TCF20: variants seen among roughly 807,000 people sequenced by gnomAD.
TCF20 encodes the protein transcription factor 20, also known as SPRE-binding protein.
Under a neutral mutation model 148.6 loss-of-function variants are expected in TCF20, and 3 were observed. The observed-to-expected ratio is 0.02, with a 90% CI of 0.01 to 0.05. The LOEUF (loss-of-function observed/expected upper bound fraction) is 0.05, where lower values mean the gene tolerates loss of function less well. Among genes scored for constraint, TCF20 ranks in the 10% least tolerant of loss-of-function variants. The pLI is 1.00. For missense variants in TCF20, 2,350 were observed against 2,429.3 expected (o/e 0.97, Z 0.69); for synonymous variants, 1,049 against 909.5 (o/e 1.15, Z -2.76).
chr22:42,254,001 G>A (rs769273791), intron 1 of TCF20, among the ~76,000 whole-genome samples: 38 of 151,656 alleles, frequency 2.5e-4, no homozygotes, highest in Middle Eastern at 6.8e-3. Flanking sequence ...GCTTGAACCC[G>A]GGAGGCGGAG....
chr22:42,312,914 G>T (rs1354837468), intron 1 of TCF20, among the ~76,000 whole-genome samples: 1 of 152,196 alleles, frequency 6.6e-6, no homozygotes, highest in Non-Finnish European at 1.5e-5. Flanking sequence ...CAGGGGAAAG[G>T]TGCCTTGAGG....
chr22:42,183,960 G>A (rs1054712773), intron 2 of TCF20, among the ~76,000 whole-genome samples: 1 of 151,954 alleles, frequency 6.6e-6, no homozygotes, highest in African/African-American at 2.4e-5. Flanking sequence ...GTAGAGATGA[G>A]GTTTCACCAT....
At chr22:42,265,475 T>G (rs959123475) in intron 1 of TCF20, among the ~76,000 whole-genome samples, 4 of 152,228 alleles carry the variant, frequency 2.6e-5, no homozygotes, top group Non-Finnish European at 5.9e-5. Flanking sequence ...ATCTGGCCTT[T>G]TTTATTTTGC....
At chr22:42,195,536 T>C (rs1287758818) in intron 2 of TCF20, among the ~76,000 whole-genome samples, 1 of 151,592 alleles carries the variant, frequency 6.6e-6, no homozygotes, top group Non-Finnish European at 1.5e-5. Context: ...GTTTCGCTCT[T>C]GTCACCCAGG....
intron 2 of TCF20, among the ~76,000 whole-genome samples, chr22:42,189,432 G>C (rs778199810): frequency 1.3e-5 from 2 of 152,172 alleles, no homozygotes; most frequent in Non-Finnish European, 2.9e-5. Context: ...AGAATGTTTT[G>C]GACTGAGAGC....
intron 1 of TCF20, among the ~76,000 whole-genome samples, chr22:42,295,649 A>G (rs1397881286): frequency 6.6e-6 from 1 of 151,870 alleles, no homozygotes; most frequent in African/African-American, 2.4e-5. Flanking sequence ...CTCCATGTTG[A>G]GGCTAGTCTC....
chr22:42,233,957 T>C (rs944781837), intron 1 of TCF20, among the ~76,000 whole-genome samples: 1 of 152,214 alleles, frequency 6.6e-6, no homozygotes, highest in African/African-American at 2.4e-5. Context: ...AAGGTTTCTT[T>C]AGAGTTTTTA....
intron 2 of TCF20, among the ~76,000 whole-genome samples, chr22:42,195,002 C>G (rs1937519046): frequency 6.6e-6 from 1 of 151,512 alleles, no homozygotes; most frequent in African/African-American, 2.4e-5. Context: ...TAAAAACTAT[C>G]CACTGGAAAT....
upstream of TCF20, among the ~76,000 whole-genome samples, chr22:42,285,353 G>C (rs942343065): frequency 6.6e-6 from 1 of 151,944 alleles, no homozygotes; most frequent in Non-Finnish European, 1.5e-5. This position sits in a 1 kb window ranked among gnomAD's most constrained non-coding sequence, Gnocchi z 4.2. Context: ...AGCTCCCACC[G>C]ACTATAAAGT....
chr22:42,310,765 G>A (rs1161996738), intron 1 of TCF20, among the ~76,000 whole-genome samples: 6 of 152,252 alleles, frequency 3.9e-5, no homozygotes, highest in Non-Finnish European at 8.8e-5. Context: ...GCAAATTCCT[G>A]GACAGAGAGT....
At chr22:42,208,427 G>A (rs1938535484) in intron 2 of TCF20, among the ~76,000 whole-genome samples, 2 of 152,128 alleles carry the variant, frequency 1.3e-5, no homozygotes, top group Admixed American at 1.3e-4. Flanking sequence ...AGCAGTTTGA[G>A]ACCACTCTGG....
chr22:42,214,759 A>G lies in TCF20; in HGVS notation c.547T>C (p.Leu183=). The change falls in exon 2 of 6, where the codon TTG becomes CTG. Residue 183 remains leucine (L), a synonymous_variant. Transcript: ENST00000677622. ...SQQQQQQVQQ[L]RQQLYQSHQP... ...TGGGACTGGTAAAGCTGTTGTCTCA[A>G]CTGCTGGACTTGCTGCTGCTGCTGC... 2 of 1,613,580 alleles carry G rather than the reference A, an allele frequency of 1.2e-6. No homozygotes were observed. Among genetic ancestry groups the G allele is most frequent in the Non-Finnish European group, 1.7e-6 (2 of 1,179,884 alleles).
Position 42,168,620 on chromosome 22 carries a change from G to A in TCF20, c.*33C>T. The stretch of plus-strand genomic sequence containing the variant: ...TGGCCCCGACTCACCTGTGCTTGCT[G>A]TCCTTTCCATTCCCACGAGCACACT... On this transcript the variant is annotated 3_prime_UTR_variant, in exon 5 of 6. Coordinates refer to ENST00000677622, the MANE Select transcript of TCF20 (RefSeq NM_001378418.1). 6.3e-7 allele frequency: 1 copy of A among 1,579,626 alleles called. No homozygotes were observed. Among genetic ancestry groups the A allele is most frequent in the Non-Finnish European group, 8.6e-7 (1 of 1,163,240 alleles).
upstream of TCF20, among the ~76,000 whole-genome samples, chr22:42,273,071 G>A (rs1926679659): frequency 6.6e-6 from 1 of 152,090 alleles, no homozygotes; most frequent in Non-Finnish European, 1.5e-5. Context: ...TCTCAAGAGA[G>A]CTGCATAGGC....
chr22:42,206,109 G>T (rs1013465999), intron 2 of TCF20, among the ~76,000 whole-genome samples: 1 of 152,146 alleles, frequency 6.6e-6, no homozygotes, highest in African/African-American at 2.4e-5. Context: ...CTAGAGATTT[G>T]CTGGGGAAGA....
chr22:42,171,691 A>G (rs1465099391), intron 3 of TCF20, among the ~76,000 whole-genome samples: 1 of 152,216 alleles, frequency 6.6e-6, no homozygotes, highest in African/African-American at 2.4e-5. Flanking sequence ...TCTGCCAGAG[A>G]GTTTATAAAC....
At chr22:42,271,873 G>A (rs1926633984), upstream of TCF20, among the ~76,000 whole-genome samples, 1 of 152,192 alleles carries the variant, frequency 6.6e-6, no homozygotes, top group South Asian at 2.1e-4. Flanking sequence ...CCATATATTT[G>A]AGGTACACAG....
rs969855488 is a variant in TCF20 at position 42,290,080 on chromosome 22, T to C, written c.-37+53399A>G. ...ACTCCCGCCGCACGCATGCGCCCCC[T>C]GCACCGCCGGCTGCTGCTTGGGGAG... On this transcript the variant is annotated intron_variant, in intron 1 of 1. Coordinates refer to the TCF20 transcript ENST00000515426. This position sits in a 1 kb window ranked among gnomAD's most constrained non-coding sequence, Gnocchi z 4.2. Among the ~76,000 whole-genome samples, 1 of 152,196 alleles carries C rather than the reference T, an allele frequency of 6.6e-6. No homozygotes were observed. The highest frequency in any genetic ancestry group is 1.5e-5 in the Non-Finnish European group (1 of 68,034).
intron 1 of TCF20, among the ~76,000 whole-genome samples, chr22:42,241,876 A>G (rs956150620): frequency 6.6e-6 from 1 of 151,922 alleles, no homozygotes; most frequent in Non-Finnish European, 1.5e-5. Flanking sequence ...GATTAACTGA[A>G]AACAGGTCAA....
Sources: allele counts gnomAD v4.1 joint callset (sites outside exome capture counted in the v4.1 genomes callset), GRCh38; gene constraint gnomAD v4.1.1; non-coding constraint Gnocchi (gnomAD v3.1); transcripts MANE v1.5; gene names NCBI Gene and HGNC (gene_info 2026-07-23, HGNC 2026-07-21).